Variants in SLC24A2 observed in about 807,000 individuals in gnomAD.
SLC24A2 encodes sodium/potassium/calcium exchanger 2.
A neutral mutation model predicts 62.0 loss-of-function variants in SLC24A2; 36 were observed. The observed-to-expected ratio is 0.58, with a 90% CI of 0.44 to 0.77. The LOEUF (loss-of-function observed/expected upper bound fraction) is 0.77. Ranked by LOEUF, SLC24A2 falls within the 30% of genes least tolerant of loss-of-function variation. SLC24A2 has a pLI of 0.00. For synonymous variants in SLC24A2, 358 were observed against 294.0 expected (o/e 1.22, Z -2.23); for missense variants, 846 against 817.9 (o/e 1.03, Z -0.42).
the SLC24A2 span, among the ~76,000 whole-genome samples, chr9:20,001,778 C>T: frequency 2.0e-5 from 3 of 152,074 alleles, no homozygotes; most frequent in Admixed American, 1.3e-4. Context: ...TTAAAGGTTG[C>T]CTCTCCCAAA....
the SLC24A2 span, among the ~76,000 whole-genome samples, chr9:20,215,431 A>G: frequency 1.3e-5 from 2 of 152,214 alleles, no homozygotes; most frequent in Admixed American, 1.3e-4. Context: ...AAGACTCACA[A>G]GAACAAAGTT....
chr9:20,040,545 G>A, the SLC24A2 span, among the ~76,000 whole-genome samples: 3 of 152,242 alleles, frequency 2.0e-5, no homozygotes, highest in African/African-American at 4.8e-5. Flanking sequence ...CCCACCAAAT[G>A]ACCGAGGCAA....
At chr9:19,904,496 G>C in the SLC24A2 span, among the ~76,000 whole-genome samples, 1 of 152,174 alleles carries the variant, frequency 6.6e-6, no homozygotes, top group African/African-American at 2.4e-5. Context: ...CTGGTCCCTA[G>C]AGATTAATCA....
the SLC24A2 span, among the ~76,000 whole-genome samples, chr9:20,149,036 T>C: frequency 6.6e-6 from 1 of 152,068 alleles, no homozygotes; most frequent in Non-Finnish European, 1.5e-5. Flanking sequence ...TTTTAATGTA[T>C]GTATGAATGG....
At chr9:19,529,017 C>A (rs1833565202) in intron 8 of SLC24A2, among the ~76,000 whole-genome samples, 1 of 152,146 alleles carries the variant, frequency 6.6e-6, no homozygotes, top group Non-Finnish European at 1.5e-5. Context: ...GAAACCCAGG[C>A]TTGCACTGTA....
the SLC24A2 span, among the ~76,000 whole-genome samples, chr9:20,255,739 T>C: frequency 6.6e-6 from 1 of 152,208 alleles, no homozygotes; most frequent in Non-Finnish European, 1.5e-5. Flanking sequence ...ACTTTTGTCA[T>C]ATTCTACTGA....
At chr9:19,740,522 G>C (rs1821642522) in intron 2 of SLC24A2, among the ~76,000 whole-genome samples, 2 of 152,308 alleles carry the variant, frequency 1.3e-5, no homozygotes, top group South Asian at 4.1e-4. Context: ...CACAATAGGT[G>C]ACAGTGGCTA....
At chr9:20,030,050 T>C in the SLC24A2 span, among the ~76,000 whole-genome samples, 27 of 152,184 alleles carry the variant, frequency 1.8e-4, no homozygotes, top group Non-Finnish European at 3.5e-4. Flanking sequence ...GTTTACCGCA[T>C]TAGAAAGTTT....
At chr9:19,688,914 T>C (rs1819963516) in intron 2 of SLC24A2, among the ~76,000 whole-genome samples, 1 of 152,112 alleles carries the variant, frequency 6.6e-6, no homozygotes, top group Admixed American at 6.6e-5. Context: ...GAGTACACAA[T>C]ATATATTACC....
At chr9:19,845,230 C>A in the SLC24A2 span, among the ~76,000 whole-genome samples, 1 of 152,172 alleles carries the variant, frequency 6.6e-6, no homozygotes, top group East Asian at 1.9e-4. Flanking sequence ...GATCTTTCAC[C>A]TCCTTGGATA....
chr9:19,721,121 T>C (rs559435793), intron 2 of SLC24A2, among the ~76,000 whole-genome samples: 8 of 152,206 alleles, frequency 5.3e-5, no homozygotes, highest in South Asian at 4.1e-4. Flanking sequence ...TTCAAAGTAA[T>C]GGGATTTAAA....
chr9:20,185,091 G>A, the SLC24A2 span, among the ~76,000 whole-genome samples: 1 of 152,132 alleles, frequency 6.6e-6, no homozygotes, highest in Admixed American at 6.5e-5. Flanking sequence ...GTGTTGAGCA[G>A]GGAGGGATGT....
chr9:20,002,356 G>A, the SLC24A2 span, among the ~76,000 whole-genome samples: 12 of 149,730 alleles, frequency 8.0e-5, no homozygotes, highest in African/African-American at 3.0e-4. Context: ...CTTACTGCAA[G>A]CTACAAACCT....
the SLC24A2 span, among the ~76,000 whole-genome samples, chr9:19,999,736 G>C: frequency 1.3e-5 from 2 of 152,102 alleles, no homozygotes; most frequent in African/African-American, 4.8e-5. Flanking sequence ...GGAATTACAG[G>C]GCTGACCTCC....
At chr9:19,914,031 G>A in the SLC24A2 span, among the ~76,000 whole-genome samples, 2 of 151,954 alleles carry the variant, frequency 1.3e-5, no homozygotes, top group African/African-American at 4.8e-5. Flanking sequence ...TGGGTAGTAT[G>A]CCCAGTTTTC....
the SLC24A2 span, among the ~76,000 whole-genome samples, chr9:20,233,272 G>A: frequency 6.6e-6 from 1 of 152,026 alleles, no homozygotes; most frequent in Non-Finnish European, 1.5e-5. Context: ...TTCAATTCCT[G>A]GGTATCCTTG....
the SLC24A2 span, among the ~76,000 whole-genome samples, chr9:20,230,895 T>A: frequency 6.6e-6 from 1 of 152,240 alleles, no homozygotes; most frequent in South Asian, 2.1e-4. Flanking sequence ...TAATCCATCT[T>A]CAATTAATTT....
At chr9:19,532,541 T>G (rs1272744180) in intron 8 of SLC24A2, among the ~76,000 whole-genome samples, 2 of 152,214 alleles carry the variant, frequency 1.3e-5, no homozygotes, top group East Asian at 3.8e-4. Context: ...AATCTGTGAT[T>G]GTTTGAATGC....
chr9:20,026,626 G>A, the SLC24A2 span, among the ~76,000 whole-genome samples: 8 of 152,008 alleles, frequency 5.3e-5, no homozygotes, highest in South Asian at 2.1e-4. Context: ...TCCACATGCC[G>A]AATAATGAAA....
Sources: allele counts gnomAD v4.1 joint callset (sites outside exome capture counted in the v4.1 genomes callset), GRCh38; gene constraint gnomAD v4.1.1; transcripts MANE v1.5; gene names NCBI Gene and HGNC (gene_info 2026-07-23, HGNC 2026-07-21).